SMARCA4: variants seen among roughly 807,000 people sequenced by gnomAD.
The protein encoded by SMARCA4 is SWI/SNF-related matrix-associated actin-dependent regulator of chromatin subfamily A member 4.
SMARCA4 carries 31 observed loss-of-function variants against 193.9 expected under a neutral mutation model. The ratio of observed to expected loss-of-function variants is 0.16; its 90% CI spans 0.12 to 0.22. SMARCA4 has a LOEUF of 0.22. Ranked by LOEUF, SMARCA4 falls within the 10% of genes least tolerant of loss-of-function variation. The pLI is 1.00. For missense variants in SMARCA4, 1,148 were observed against 2,296.0 expected (o/e 0.50, Z 10.22); for synonymous variants, 942 against 933.1 (o/e 1.01, Z -0.17).
rs2146825344 is a variant in SMARCA4 at position 11,041,592 on chromosome 19, T to C, written c.4424+32T>C. On this transcript the variant is annotated intron_variant, in intron 30 of 34. Coordinates refer to ENST00000344626, the MANE Select transcript of SMARCA4 (RefSeq NM_003072.5). This position sits in a 1 kb window ranked among gnomAD's most constrained non-coding sequence, Gnocchi z 5.6. ...GAGGAGGCGGGGAGGGCGGGGGCTG[T>C]AGGGGTCCCCGTGGGAGCAGGCCTG... 1 of 1,603,850 alleles carries C rather than the reference T, an allele frequency of 6.2e-7. No homozygotes were observed. Among genetic ancestry groups the C allele is most frequent in the Non-Finnish European group, 8.5e-7 (1 of 1,175,016 alleles).
At chr19:11,009,007 CTTTTTTTTTTTT>C (rs762148337) in intron 14 of SMARCA4, among the ~76,000 whole-genome samples, 33 of 40,954 alleles carry the variant, frequency 8.1e-4, no homozygotes, top group African/African-American at 2.2e-3. Context: ...ATAAAAGTCA[CTTTTTTTTTTTT>C]TTTTTTTTTT....
intron 14 of SMARCA4, among the ~76,000 whole-genome samples, chr19:11,010,158 A>T (rs780419415): frequency 6.6e-6 from 1 of 152,136 alleles, no homozygotes. Context: ...TGGTGGTGCA[A>T]TCAGGACCCA....
Position 11,012,597 on chromosome 19 carries a change from G to A in SMARCA4, c.2275-352G>A, listed in dbSNP as rs1309220965. ...CCCTGAAGCCCTCTTGGTTTCCTGAGTGCAAGTGTCCCGTGGTGTGGGCAG... is the reference window on the plus strand; with the variant it reads ...CCCTGAAGCCCTCTTGGTTTCCTGAATGCAAGTGTCCCGTGGTGTGGGCAG... On this transcript the variant is annotated intron_variant, in intron 15 of 34. Coordinates refer to ENST00000344626, the MANE Select transcript of SMARCA4 (RefSeq NM_003072.5). The A allele has an allele frequency of 1.7e-5, 6 of 357,502 alleles. No homozygotes were observed. In the Admixed American group the frequency reaches 2.3e-4, roughly 14 times the overall value. The allele number at this position is 357,502 out of a possible 1,614,324, so 22.1% of individuals were successfully genotyped here.
At position 11,034,082 on chromosome 19, in the gene SMARCA4, C is replaced by T. The variant is rs1166144481; in HGVS notation, c.3874-41C>T. The T allele has an allele frequency of 1.0e-5, 16 of 1,536,836 alleles. No homozygotes were observed. In the East Asian group the frequency reaches 1.3e-4, roughly 13 times the overall value. On this transcript the variant is annotated intron_variant, in intron 27 of 34. Coordinates refer to ENST00000344626, the MANE Select transcript of SMARCA4 (RefSeq NM_003072.5). The surrounding 1 kb of genome is among the most constrained non-coding windows in gnomAD (Gnocchi z 7.0). The stretch of plus-strand genomic sequence containing the variant: ...CTCTGAGCTCGGCCGCCGCCCACCC[C>T]GGCCCCTCCTCAGCGGCACTGACAG...
At chr19:11,003,511 A>G (rs985349053) in intron 13 of SMARCA4, 114 bp downstream of exon 13, 15 of 999,496 alleles carry the variant, frequency 1.5e-5, no homozygotes, top group Non-Finnish European at 2.4e-5. Flanking sequence ...GGCAGGGAAC[A>G]GCAGGGCCCA....
At chr19:10,982,725 C>T (rs1012492832) in intron 1 of SMARCA4, among the ~76,000 whole-genome samples, 4 of 151,978 alleles carry the variant, frequency 2.6e-5, no homozygotes, top group Non-Finnish European at 4.4e-5. Flanking sequence ...AGGATGGTCT[C>T]GATCTCCTGA....
intron 8 of SMARCA4, among the ~76,000 whole-genome samples, 178 bp from the exon 9 acceptor site, chr19:10,994,650 G>A (rs542102219): frequency 9.9e-5 from 15 of 151,858 alleles, no homozygotes; most frequent in African/African-American, 3.4e-4. Flanking sequence ...TAGTAGAGAC[G>A]GGGTTTCACC....
intron 24 of SMARCA4, among the ~76,000 whole-genome samples, chr19:11,029,247 G>A (rs952207283): frequency 6.6e-6 from 1 of 152,168 alleles, no homozygotes; most frequent in African/African-American, 2.4e-5. Flanking sequence ...TCCCGTCCTC[G>A]AGAGGGCCAA....
At chr19:11,017,864 A>T (rs550975556) in intron 16 of SMARCA4, among the ~76,000 whole-genome samples, 3 of 152,298 alleles carry the variant, frequency 2.0e-5, no homozygotes, top group African/African-American at 7.2e-5. Flanking sequence ...TCCTTACCTC[A>T]TGGTTGCAGG....
intron 8 of SMARCA4, among the ~76,000 whole-genome samples, chr19:10,991,951 G>C (rs2086596360): frequency 6.6e-6 from 1 of 152,186 alleles, no homozygotes; most frequent in African/African-American, 2.4e-5. Context: ...TTCCCAAGAT[G>C]AATCAGTAAG....
chr19:10,986,112 C>A lies in SMARCA4; in HGVS notation c.356-77C>A, dbSNP rs2145766845. The A allele has an allele frequency of 8.1e-7, 1 of 1,227,462 alleles. No homozygotes were observed. The highest frequency in any genetic ancestry group is 1.7e-5 in the Admixed American group (1 of 57,950). The allele number at this position is 1,227,462 out of a possible 1,614,324, so 76.0% of individuals were successfully genotyped here. ...GCTGTGCCCTGTCTCAGAGTAGGAG[C>A]TGGTGTAGGGGGAAGAGGCTGTAAA... On this transcript the variant is annotated intron_variant, in intron 3 of 34. Coordinates refer to ENST00000344626, the MANE Select transcript of SMARCA4 (RefSeq NM_003072.5). This position sits in a 1 kb window ranked among gnomAD's most constrained non-coding sequence, Gnocchi z 6.7.
At chr19:10,989,472 G>A (rs571100897) in intron 7 of SMARCA4, 29 bp downstream of exon 7, 48 of 1,612,870 alleles carry the variant, frequency 3.0e-5, no homozygotes, top group East Asian at 1.6e-4. Flanking sequence ...GCAGCTTTCC[G>A]AAAAGGGCCT....
chr19:11,023,481 AG>A (rs2090021286), intron 19 of SMARCA4, 36 bp from the exon 20 acceptor site: 2 of 1,322,540 alleles, frequency 1.5e-6, no homozygotes, highest in African/African-American at 2.9e-5. Context: ...CCTCCTTTGG[AG>A]GTAACGCTTG....
chr19:10,968,702 C>T (rs188619780), intron 1 of SMARCA4, among the ~76,000 whole-genome samples: 163 of 152,270 alleles, frequency 1.1e-3, no homozygotes, highest in Middle Eastern at 6.8e-3. Context: ...CCCAGTGGCT[C>T]AGGAAGCAGG....
chr19:10,990,404 G>A (rs763735859), intron 7 of SMARCA4, among the ~76,000 whole-genome samples: 5 of 151,934 alleles, frequency 3.3e-5, no homozygotes, highest in Non-Finnish European at 5.9e-5. Flanking sequence ...TCAGCCTCCT[G>A]AGTAGCTGGG....
At chr19:11,050,680 A>G (rs2076209083) in intron 30 of SMARCA4, among the ~76,000 whole-genome samples, 5 of 152,180 alleles carry the variant, frequency 3.3e-5, no homozygotes, top group African/African-American at 1.2e-4. Flanking sequence ...TGCAAGAAAA[A>G]CAATGAAACA....
intron 13 of SMARCA4, among the ~76,000 whole-genome samples, chr19:11,005,066 C>T (rs1300995887): frequency 6.6e-5 from 10 of 152,182 alleles, no homozygotes. Context: ...GAACTCCTGA[C>T]CTCAGGTGAT....
Position 11,056,952 on chromosome 19 carries a change from C to T in SMARCA4, c.4425-1303C>T, listed in dbSNP as rs140482333. Among the ~76,000 whole-genome samples, 56 of 152,328 alleles carry T rather than the reference C, an allele frequency of 3.7e-4. 1 individual carries two copies. Among genetic ancestry groups the T allele is most frequent in the African/African-American group, 1.2e-3 (49 of 41,592 alleles). ...GGCGCACTCAGGACACCCAAACAGA[C>T]GGCGGGGCCAGCCAGTGGCATGGGC... On this transcript the variant is annotated intron_variant, in intron 30 of 34. Transcript: ENST00000344626.
At chr19:11,004,755 A>C (rs1396260898) in intron 13 of SMARCA4, among the ~76,000 whole-genome samples, 1 of 151,422 alleles carries the variant, frequency 6.6e-6, no homozygotes, top group African/African-American at 2.4e-5. Context: ...TACATTTGCT[A>C]TTTCTTTTCT....
Sources: allele counts gnomAD v4.1 joint callset (sites outside exome capture counted in the v4.1 genomes callset), GRCh38; gene constraint gnomAD v4.1.1; non-coding constraint Gnocchi (gnomAD v3.1); transcripts MANE v1.5; gene names NCBI Gene and HGNC (gene_info 2026-07-23, HGNC 2026-07-21).